The following STK39 variants were observed in gnomAD, a reference collection of about 807,000 sequenced individuals.
STK39 encodes the protein STE20/SPS1-related proline-alanine-rich protein kinase.
STK39 carries 20 observed loss-of-function variants against 77.8 expected under a neutral mutation model. That is an observed-to-expected ratio of 0.26 (90% CI 0.18 to 0.37). The LOEUF (loss-of-function observed/expected upper bound fraction) is 0.37, where lower values mean the gene tolerates loss of function less well. STK39 is among the 10% of genes least tolerant of loss of function. The pLI is 1.00. For synonymous variants in STK39, 246 were observed against 234.1 expected, an observed-to-expected ratio of 1.05 and a Z score of -0.47; for missense variants, 479 against 656.5, an observed-to-expected ratio of 0.73 and a Z score of 2.95.
At chr2:167,984,645 AT>A (rs1390415580) in intron 16 of STK39, among the ~76,000 whole-genome samples, 6 of 152,228 alleles carry the variant, frequency 3.9e-5, no homozygotes, top group African/African-American at 1.4e-4. Context: ...ATGCTAAAAA[AT>A]GTTAGTGTTT....
At chr2:168,099,717 G>T (rs1307133432) in intron 10 of STK39, among the ~76,000 whole-genome samples, 1 of 152,170 alleles carries the variant, frequency 6.6e-6, no homozygotes, top group Non-Finnish European at 1.5e-5. Context: ...GAGAATACCA[G>T]GTTGATACTG....
At chr2:168,157,762 C>T (rs904801153) in intron 5 of STK39, among the ~76,000 whole-genome samples, 23 of 152,084 alleles carry the variant, frequency 1.5e-4, no homozygotes, top group African/African-American at 3.6e-4. Flanking sequence ...TTGGAGGGCA[C>T]ACAAAATTCA....
intron 14 of STK39, 55 bp downstream of exon 14, chr2:168,063,445 T>G: frequency 4.1e-6 from 6 of 1,480,234 alleles, no homozygotes; most frequent in Non-Finnish European, 5.6e-6. Context: ...CGAAGGAGAT[T>G]TAAAAAATTG....
At chr2:168,058,972 A>C (rs1393650903) in intron 14 of STK39, among the ~76,000 whole-genome samples, 1 of 152,232 alleles carries the variant, frequency 6.6e-6, no homozygotes, top group African/African-American at 2.4e-5. Flanking sequence ...CACAGGCTAC[A>C]CAGCCCTACG....
chr2:168,015,413 T>G (rs777053885), intron 15 of STK39, among the ~76,000 whole-genome samples: 1 of 152,250 alleles, frequency 6.6e-6, no homozygotes. Flanking sequence ...CAGTGATATA[T>G]GCACATCACT....
intron 2 of STK39, among the ~76,000 whole-genome samples, chr2:168,170,058 T>C (rs954890082): frequency 6.6e-6 from 1 of 152,200 alleles, no homozygotes; most frequent in Non-Finnish European, 1.5e-5. Flanking sequence ...GAGAAACATC[T>C]GTAGCTCTGT....
intron 14 of STK39, among the ~76,000 whole-genome samples, chr2:168,021,159 C>T (rs143117606): frequency 2.0e-3 from 304 of 152,136 alleles, no homozygotes; most frequent in Non-Finnish European, 3.6e-3. Flanking sequence ...TATATTTATT[C>T]TAGTAAGGTC....
At chr2:168,183,221 C>T (rs1333957232) in intron 1 of STK39, among the ~76,000 whole-genome samples, 4 of 152,050 alleles carry the variant, frequency 2.6e-5, no homozygotes, top group Non-Finnish European at 4.4e-5. Context: ...AGGTTTGGCC[C>T]CCGACTTGGC....
At chr2:167,979,619 G>A (rs1456935241) in intron 16 of STK39, among the ~76,000 whole-genome samples, 3 of 152,282 alleles carry the variant, frequency 2.0e-5, no homozygotes, top group East Asian at 1.9e-4. Flanking sequence ...CGTTCCAAGA[G>A]TGCCTATCAG....
At chr2:168,062,822 ACTGGTAAACTAAGC>A (rs1450384971) in intron 14 of STK39, among the ~76,000 whole-genome samples, 4 of 152,212 alleles carry the variant, frequency 2.6e-5, no homozygotes. Flanking sequence ...TTCTGATAGA[ACTGGTAAACTAAGC>A]TGTTTATAAT....
At chr2:168,190,186 T>C (rs1689305548) in intron 1 of STK39, among the ~76,000 whole-genome samples, 1 of 151,332 alleles carries the variant, frequency 6.6e-6, no homozygotes. Context: ...CCTCCAAGAG[T>C]GTTGGCTAAG....
chr2:168,147,882 G>A (rs1688182415), intron 5 of STK39, among the ~76,000 whole-genome samples: 1 of 152,146 alleles, frequency 6.6e-6, no homozygotes, highest in African/African-American at 2.4e-5. Context: ...GGAAAGTCAG[G>A]GCTTTAGCAG....
Position 168,074,994 on chromosome 2 carries a change from T to C in STK39, c.1230A>G (p.Glu410=), listed in dbSNP as rs761103281. The change falls in exon 12 of 18, where the codon GAA becomes GAG. Residue 410 remains glutamate (E), a synonymous_variant. Transcript: ENST00000355999. The part of the protein sequence containing the change: ...FSQEKSRRVK[E]ENPEIAVSAS... ...AGCCACAGCTCACCTCTGGATTTTC[T>C]TCTTTTACTCTTCGTGACTGTAAAA... 44 of 1,613,710 alleles carry C rather than the reference T, an allele frequency of 2.7e-5. No individual in the cohort carries two copies. The Admixed American group carries it at 6.8e-4, about 25-fold the overall frequency.
chr2:168,081,546 A>G (rs7585301), intron 10 of STK39, among the ~76,000 whole-genome samples: 74,126 of 151,946 alleles, frequency 0.49, 18,892 homozygotes, highest in Non-Finnish European at 0.55. Flanking sequence ...CTTGTCTCAG[A>G]TGAGATGTTG....
intron 1 of STK39, among the ~76,000 whole-genome samples, chr2:168,189,668 CTT>C (rs1458636055): frequency 2.0e-5 from 3 of 152,146 alleles, no homozygotes; most frequent in African/African-American, 7.2e-5. Context: ...TTGGAATTTA[CTT>C]CTAGGCATTT....
chr2:168,080,561 C>T (rs951857955), intron 10 of STK39, among the ~76,000 whole-genome samples: 14 of 151,804 alleles, frequency 9.2e-5, no homozygotes, highest in South Asian at 8.3e-4. Flanking sequence ...ACCTGGGAGG[C>T]GGAGTTTGCA....
At chr2:167,991,425 A>G (rs1465456209) in intron 16 of STK39, among the ~76,000 whole-genome samples, 1 of 152,166 alleles carries the variant, frequency 6.6e-6, no homozygotes, top group African/African-American at 2.4e-5. Flanking sequence ...GAGCTGTAAA[A>G]TGAATTTATC....
rs1353134476 is a variant in STK39, at chr2:168,247,308, G to T, written c.128C>A (p.Pro43Gln). 9.6e-7 allele frequency: 1 copy of T among 1,039,084 alleles called. No individual in the cohort carries two copies. Among genetic ancestry groups the T allele is most frequent in the Non-Finnish European group, 1.2e-6 (1 of 863,204 alleles). The allele number at this position is 1,039,084 out of a possible 1,614,324, so 64.4% of individuals were successfully genotyped here. Residue 43 changes from proline to glutamine, a missense_variant, in exon 1 of 18, where the codon CCG becomes CAG. Around this residue, in one of 3 missense-constraint regions of STK39, gnomAD observed 96 missense variants for 79.1 expected, o/e 1.21. Transcript: ENST00000355999. The part of the protein sequence containing the change: ...AAPAPAAPAA[P>Q]APAPAPAAQA... ...TGCCGCCGGGGCCGGGGCCGGGGCC[G>T]GGGCCGCGGGAGCTGCCGGGGCCGG...
At chr2:168,184,389 T>C (rs933222981) in intron 1 of STK39, among the ~76,000 whole-genome samples, 1 of 152,208 alleles carries the variant, frequency 6.6e-6, no homozygotes, top group East Asian at 1.9e-4. Flanking sequence ...CTGAGATCAT[T>C]GTCACAACAT....
Sources: allele counts gnomAD v4.1 joint callset (sites outside exome capture counted in the v4.1 genomes callset), GRCh38; gene constraint gnomAD v4.1.1; regional missense constraint gnomAD v4.1.1; transcripts MANE v1.5; gene names NCBI Gene and HGNC (gene_info 2026-07-23, HGNC 2026-07-21).